ADGRL2: variants seen among roughly 807,000 people sequenced by gnomAD.
ADGRL2 encodes the protein adhesion G protein-coupled receptor L2.
In ADGRL2, 44 loss-of-function variants were observed where a neutral mutation model predicts 157.4. That is an observed-to-expected ratio of 0.28 (90% CI 0.22 to 0.36). ADGRL2 has a LOEUF of 0.36. Among genes scored for constraint, ADGRL2 ranks in the 10% least tolerant of loss-of-function variants. The pLI is 1.00. For synonymous variants in ADGRL2, 585 were observed against 624.7 expected, an observed-to-expected ratio of 0.94 and a Z score of 0.95; for missense variants, 1,510 against 1,768.9, an observed-to-expected ratio of 0.85 and a Z score of 2.63.
chr1:81,976,687 C>T (rs1234947692), intron 17 of ADGRL2, among the ~76,000 whole-genome samples: 1 of 151,814 alleles, frequency 6.6e-6, no homozygotes, highest in Non-Finnish European at 1.5e-5. Context: ...ATGACATAAA[C>T]AGGTTTAGAA....
chr1:81,735,860 G>T (rs2084880392), intron 1 of ADGRL2, among the ~76,000 whole-genome samples: 1 of 151,710 alleles, frequency 6.6e-6, no homozygotes. Flanking sequence ...GAGTCAAACT[G>T]ACGGCTGGGC....
In ADGRL2 at chr1:81,622,962, T is replaced by C. The variant is rs549430833; in HGVS notation, c.-143+41982T>C. 2.6e-5 allele frequency among the ~76,000 whole-genome samples: 4 copies of C among 152,340 alleles called. No homozygotes were observed. The East Asian group carries it at 7.7e-4, about 29-fold the overall frequency. On this transcript the variant is annotated intron_variant, in intron 3 of 24. Coordinates refer to the ADGRL2 transcript ENST00000370721. ...TAAAAATGTCCAACATATTGGGCATTTGGGAAATTTTATTAAGTGGTCATC... is the reference window on the plus strand; with the variant it reads ...TAAAAATGTCCAACATATTGGGCATCTGGGAAATTTTATTAAGTGGTCATC...
chr1:81,427,606 G>T, intron 1 of ADGRL2: 1 of 697,148 alleles, frequency 1.4e-6, no homozygotes, highest in Non-Finnish European at 2.6e-6. Flanking sequence ...GGAGCAGAAG[G>T]TTTTGAAAAC....
chr1:81,693,745 C>A (rs1022908493), intron 3 of ADGRL2, among the ~76,000 whole-genome samples: 1 of 152,250 alleles, frequency 6.6e-6, no homozygotes, highest in East Asian at 1.9e-4. Context: ...AACATTAATT[C>A]AAAGTCCAGA....
At position 81,992,311 on chromosome 1, in the gene ADGRL2, TCTG is replaced by T. The variant is rs906011310; in HGVS notation, c.*1169_*1171del. On this transcript the variant is annotated 3_prime_UTR_variant, in exon 24 of 24. Transcript: ENST00000686636. ...GAAATGTAAATTGTTTCAGCAAAAT[TCTG>T]CTTTTTTTTCATCCCTTTGTGTAAA... 2.0e-5 allele frequency: 3 copies of T among 152,616 alleles called. No individual in the cohort carries two copies. The highest frequency in any genetic ancestry group is 2.1e-4 in the South Asian group (1 of 4,828). The allele number at this position is 152,616 out of a possible 1,614,324, so 9.5% of individuals were successfully genotyped here.
At chr1:81,607,865 T>C (rs1161541432) in intron 3 of ADGRL2, among the ~76,000 whole-genome samples, 1 of 152,222 alleles carries the variant, frequency 6.6e-6, no homozygotes, top group African/African-American at 2.4e-5. Flanking sequence ...ATTTGCAGTA[T>C]TCTGGAAAGG....
At chr1:81,655,682 C>G (rs754191765) in intron 3 of ADGRL2, among the ~76,000 whole-genome samples, 12 of 152,114 alleles carry the variant, frequency 7.9e-5, no homozygotes, top group Non-Finnish European at 1.5e-4. Context: ...TGATCTCAGC[C>G]TCTTGAAATT....
intron 2 of ADGRL2, among the ~76,000 whole-genome samples, chr1:81,446,992 A>C (rs2077609092): frequency 6.6e-6 from 1 of 152,180 alleles, no homozygotes; most frequent in East Asian, 1.9e-4. Flanking sequence ...ACTATTAATT[A>C]AAATGAGATA....
chr1:81,678,520 A>G (rs753210673), intron 3 of ADGRL2, among the ~76,000 whole-genome samples: 8 of 152,156 alleles, frequency 5.3e-5, no homozygotes, highest in Non-Finnish European at 8.8e-5. Flanking sequence ...AATTTACTCT[A>G]CTTGTTTAGA....
chr1:81,572,618 G>C (rs953468445), intron 2 of ADGRL2, among the ~76,000 whole-genome samples: 1 of 152,004 alleles, frequency 6.6e-6, no homozygotes, highest in Admixed American at 6.6e-5. Context: ...CAAAACAGAA[G>C]TAAAAACAAC....
At chr1:81,452,517 T>A (rs1466286568) in intron 2 of ADGRL2, among the ~76,000 whole-genome samples, 1 of 152,148 alleles carries the variant, frequency 6.6e-6, no homozygotes, top group Non-Finnish European at 1.5e-5. Context: ...ATTCAACATA[T>A]GAAAACCCAT....
intron 1 of ADGRL2, among the ~76,000 whole-genome samples, chr1:81,834,027 G>T (rs893775749): frequency 9.9e-5 from 15 of 152,156 alleles, no homozygotes; most frequent in African/African-American, 2.9e-4. Context: ...GTGGGAGTAG[G>T]TTGTACGTTA....
intron 1 of ADGRL2, among the ~76,000 whole-genome samples, chr1:81,378,615 C>G (rs1401514425): frequency 6.8e-6 from 1 of 147,276 alleles, no homozygotes; most frequent in Non-Finnish European, 1.5e-5. Flanking sequence ...GTTCTGTTGT[C>G]TACTAGCAAT....
intron 1 of ADGRL2, among the ~76,000 whole-genome samples, chr1:81,375,223 TG>T (rs1328664026): frequency 2.6e-5 from 4 of 152,228 alleles, no homozygotes; most frequent in African/African-American, 9.6e-5. Flanking sequence ...CACTTAAGTC[TG>T]GCTCAAGGAG....
chr1:81,736,378 C>T (rs2084902798), intron 1 of ADGRL2, among the ~76,000 whole-genome samples: 1 of 152,132 alleles, frequency 6.6e-6, no homozygotes, highest in African/African-American at 2.4e-5. Context: ...TGTAGGGAAT[C>T]CCTGCACCAG....
At chr1:81,893,512 T>C (rs924779593) in intron 2 of ADGRL2, among the ~76,000 whole-genome samples, 3 of 152,208 alleles carry the variant, frequency 2.0e-5, no homozygotes, top group Admixed American at 2.0e-4. Context: ...ATGAGCCTTT[T>C]TTCCTGCAAC....
chr1:81,789,698 T>TTG (rs2087235090), intron 2 of ADGRL2, among the ~76,000 whole-genome samples: 1 of 63,752 alleles, frequency 1.6e-5, no homozygotes, highest in African/African-American at 8.0e-5. Context: ...CGAGTCTCCG[T>TTG]CTCAAAAAAA....
chr1:81,721,046 T>C (rs939821977), intron 1 of ADGRL2, among the ~76,000 whole-genome samples: 1 of 150,906 alleles, frequency 6.6e-6, no homozygotes, highest in Non-Finnish European at 1.5e-5. Flanking sequence ...TTTTTTTTTT[T>C]TTTTTAATAG....
At chr1:81,311,354 T>C (rs1659742139) in intron 1 of ADGRL2, among the ~76,000 whole-genome samples, 1 of 152,174 alleles carries the variant, frequency 6.6e-6, no homozygotes, top group South Asian at 2.1e-4. Flanking sequence ...CTGTCTATTC[T>C]CAATGCCTGC....
Sources: gnomAD v4.1 joint callset for allele counts (sites outside exome capture counted in the v4.1 genomes callset) on GRCh38, gnomAD v4.1.1 for gene constraint, MANE v1.5 for transcripts, NCBI Gene and HGNC (gene_info 2026-07-23, HGNC 2026-07-21) for gene names.